Variants in MIS18BP1 observed in about 807,000 individuals in gnomAD.
MIS18BP1 encodes mis18-binding protein 1.
A neutral mutation model predicts 116.1 loss-of-function variants in MIS18BP1; 72 were observed. The ratio of observed to expected loss-of-function variants is 0.62; its 90% CI spans 0.51 to 0.75. The LOEUF (loss-of-function observed/expected upper bound fraction) is 0.75. Among genes scored for constraint, MIS18BP1 ranks in the 30% least tolerant of loss-of-function variants. The pLI, the probability that MIS18BP1 is intolerant of heterozygous loss-of-function variation, is 0.00. For synonymous variants in MIS18BP1, 386 were observed against 427.0 expected (o/e 0.90, Z 1.18); for missense variants, 1,363 against 1,303.2 (o/e 1.05, Z -0.71).
chr14:45,229,301 TAGG>T (rs1891212487), intron 8 of MIS18BP1, among the ~76,000 whole-genome samples: 1 of 151,426 alleles, frequency 6.6e-6, no homozygotes, highest in African/African-American at 2.4e-5. Flanking sequence ...AGGCCAGGAG[TAGG>T]AGACCAGCCT....
In MIS18BP1 at chr14:45,206,065, A is replaced by T; in HGVS notation, c.3240+18T>A. ...AAGTTGTTTCATAGATATGTATTGGATAAAGAAAAATACTTACTAATTTTT... is the reference window on the plus strand; with the variant it reads ...AAGTTGTTTCATAGATATGTATTGGTTAAAGAAAAATACTTACTAATTTTT... On this transcript the variant is annotated intron_variant, in intron 15 of 16. Transcript: ENST00000310806. 6.6e-7 allele frequency: 1 copy of T among 1,512,594 alleles called. No individual in the cohort carries two copies. The highest frequency in any genetic ancestry group is 9.2e-7 in the Non-Finnish European group (1 of 1,092,446). 93.7% of individuals were successfully genotyped at this position (1,512,594 alleles called of 1,614,324 possible).
At chr14:45,235,601 A>AAC (rs1891405383) in intron 6 of MIS18BP1, among the ~76,000 whole-genome samples, 1 of 151,872 alleles carries the variant, frequency 6.6e-6, no homozygotes. Context: ...AAAAAAAAAA[A>AAC]AAAAAACAAA....
intron 11 of MIS18BP1, among the ~76,000 whole-genome samples, chr14:45,221,749 A>C (rs1308602781): frequency 6.6e-6 from 1 of 152,244 alleles, no homozygotes; most frequent in African/African-American, 2.4e-5. Flanking sequence ...GTAAATGTGA[A>C]TCATACGAAT....
At chr14:45,226,972 T>A in intron 9 of MIS18BP1, 136 bp from the exon 10 acceptor site, 1 of 643,360 alleles carries the variant, frequency 1.6e-6, no homozygotes, top group Non-Finnish European at 2.2e-6. Flanking sequence ...GTGGACACAT[T>A]CCGAAACTTA....
Position 45,247,378 on chromosome 14 carries a change from C to G in MIS18BP1, c.-91-1G>C. 2.7e-6 allele frequency: 3 copies of G among 1,092,576 alleles called. No individual in the cohort carries two copies. Among genetic ancestry groups the G allele is most frequent in the Non-Finnish European group, 3.8e-6 (3 of 781,550 alleles). 67.7% of individuals were successfully genotyped at this position (1,092,576 alleles called of 1,614,324 possible). Reference sequence around the variant, plus strand: ...AACTTCAGAAGGGATCCACAGAAACCTGTAGTTCAACGTAAAATCAGCCTT... The same window carrying G: ...AACTTCAGAAGGGATCCACAGAAACGTGTAGTTCAACGTAAAATCAGCCTT... On this transcript the variant is annotated splice_acceptor_variant, in intron 1 of 16. Transcript: ENST00000310806. LOFTEE classifies it low-confidence loss of function (5UTR_SPLICE).
In MIS18BP1 at chr14:45,221,644, A is replaced by C. The variant is rs117716460; in HGVS notation, c.2669+2274T>G. On this transcript the variant is annotated intron_variant, in intron 11 of 16. Coordinates refer to ENST00000310806, the MANE Select transcript of MIS18BP1 (RefSeq NM_018353.5). ...GCTTTGTATGATTTCAGCTATTTTA[A>C]ATCTGTTAAGAGGTTTTATGATCTA... Among the ~76,000 whole-genome samples the C allele has an allele frequency of 1.0e-2, 1,521 of 152,206 alleles. 15 individuals are homozygous for C. The highest frequency in any genetic ancestry group is 0.013 in the Non-Finnish European group (914 of 67,994).
chr14:45,204,225 G>A lies in MIS18BP1; in HGVS notation c.3296-13C>T, dbSNP rs963309084. On this transcript the variant is annotated splice_polypyrimidine_tract_variant and intron_variant, in intron 16 of 16. Transcript: ENST00000310806. Reference sequence around the variant, plus strand: ...TTTTCTCCTAAGTCTGTAAAGAGAAGTTTAATAAAAAGATAATAAATTTCT... The same window carrying A: ...TTTTCTCCTAAGTCTGTAAAGAGAAATTTAATAAAAAGATAATAAATTTCT... 6.3e-7 allele frequency: 1 copy of A among 1,579,108 alleles called. No individual in the cohort carries two copies. The highest frequency in any genetic ancestry group is 1.4e-5 in the African/African-American group (1 of 72,708).
Position 45,227,700 on chromosome 14 carries a change from GTAT to G in MIS18BP1, c.1706_1708del (p.Asn569del), listed in dbSNP as rs778107033. 2 of 1,613,604 alleles carry G rather than the reference GTAT, an allele frequency of 1.2e-6. No individual in the cohort carries two copies. The highest frequency in any genetic ancestry group is 2.2e-5 in the South Asian group (2 of 91,068). ...GTCATCTCCTCCTCCATTTTGAATA[GTAT>G]TATTTACTTGGTCATCTGGGAACCT... is the stretch of plus-strand genomic sequence containing the variant. On this transcript the variant is annotated inframe_deletion, in exon 9 of 17. Coordinates refer to ENST00000310806, the MANE Select transcript of MIS18BP1 (RefSeq NM_018353.5).
intron 6 of MIS18BP1, 73 bp downstream of exon 6, chr14:45,235,741 G>T (rs954953045): frequency 7.8e-7 from 1 of 1,277,102 alleles, no homozygotes; most frequent in Non-Finnish European, 1.1e-6. Flanking sequence ...TTAAAAAAAT[G>T]TGTATTACTG....
At chr14:45,232,429 A>C (rs1265602846) in intron 7 of MIS18BP1, 4 of 240,656 alleles carry the variant, frequency 1.7e-5, no homozygotes, top group Non-Finnish European at 2.4e-5. Context: ...AAAAAAAAAA[A>C]AAAAAAAAAC....
intron 4 of MIS18BP1, among the ~76,000 whole-genome samples, chr14:45,241,124 A>C (rs896929759): frequency 6.6e-6 from 1 of 152,172 alleles, no homozygotes; most frequent in Non-Finnish European, 1.5e-5. Context: ...TATTAATTAA[A>C]ATTTAGATGG....
intron 13 of MIS18BP1, among the ~76,000 whole-genome samples, 166 bp from the exon 14 acceptor site, chr14:45,210,694 T>G (rs1213671289): frequency 1.3e-5 from 2 of 152,218 alleles, no homozygotes; most frequent in Non-Finnish European, 2.9e-5. Flanking sequence ...GAACTCCATT[T>G]TAGATGCTAA....
chr14:45,248,018 G>A (rs958165043), intron 1 of MIS18BP1, among the ~76,000 whole-genome samples: 5 of 136,224 alleles, frequency 3.7e-5, no homozygotes, highest in African/African-American at 5.5e-5. Flanking sequence ...CAGAAATACT[G>A]TACTTGAGTT....
chr14:45,217,637 T>C (rs927256003), intron 12 of MIS18BP1, among the ~76,000 whole-genome samples: 4 of 151,650 alleles, frequency 2.6e-5, no homozygotes, highest in East Asian at 1.9e-4. Context: ...GGTTTCACCA[T>C]GTTGTCCAGG....
chr14:45,221,386 G>A (rs1890971240), intron 11 of MIS18BP1, among the ~76,000 whole-genome samples: 2 of 152,150 alleles, frequency 1.3e-5, no homozygotes, highest in South Asian at 4.1e-4. Context: ...GCAGTGAGCA[G>A]AGATCGCGCC....
At chr14:45,215,783 C>A (rs1405508856) in intron 13 of MIS18BP1, among the ~76,000 whole-genome samples, 1 of 150,768 alleles carries the variant, frequency 6.6e-6, no homozygotes, top group African/African-American at 2.4e-5. Context: ...CAGCTCACTG[C>A]AAGCTCTGCC....
intron 13 of MIS18BP1, among the ~76,000 whole-genome samples, chr14:45,214,223 G>A (rs1385842395): frequency 1.3e-5 from 2 of 152,170 alleles, no homozygotes; most frequent in South Asian, 2.1e-4. Context: ...TCTCCTGCTC[G>A]TCCCTGGGCA....
chr14:45,216,969 G>A lies in MIS18BP1; in HGVS notation c.3003+50C>T, dbSNP rs541103843. The A allele has an allele frequency of 2.5e-6, 4 of 1,569,184 alleles. No individual in the cohort carries two copies. In the Admixed American group the frequency reaches 7.1e-5, roughly 28 times the overall value. Reference sequence around the variant, plus strand: ...AACACTACCATACATAAAAATGAAAGATACAAAAGTCAATACAGATAAGGA... The same window carrying A: ...AACACTACCATACATAAAAATGAAAAATACAAAAGTCAATACAGATAAGGA... On this transcript the variant is annotated intron_variant, in intron 13 of 16. Transcript: ENST00000310806.
chr14:45,210,352 TTAACA>T, intron 14 of MIS18BP1, 23 bp downstream of exon 14: 1 of 1,607,106 alleles, frequency 6.2e-7, no homozygotes, highest in Non-Finnish European at 8.5e-7. Context: ...ATGCAGAGAA[TTAACA>T]TATCATATGC....
Sources: gnomAD v4.1 joint callset for allele counts (sites outside exome capture counted in the v4.1 genomes callset) on GRCh38, gnomAD v4.1.1 for gene constraint, MANE v1.5 for transcripts, NCBI Gene and HGNC (gene_info 2026-07-23, HGNC 2026-07-21) for gene names.